Variants in PHKB observed in about 807,000 individuals in gnomAD.
PHKB encodes the protein phosphorylase b kinase regulatory subunit beta.
PHKB carries 122 observed loss-of-function variants against 152.1 expected under a neutral mutation model. The ratio of observed to expected loss-of-function variants is 0.80; its 90% CI spans 0.69 to 0.93. The LOEUF (loss-of-function observed/expected upper bound fraction) is 0.93. Ranked by LOEUF, PHKB falls within the 40% of genes least tolerant of loss-of-function variation. The pLI is 0.00. For synonymous variants in PHKB, 436 were observed against 464.9 expected (o/e 0.94, Z 0.80); for missense variants, 1,304 against 1,328.4 (o/e 0.98, Z 0.29).
chr16:47,586,420 C>A (rs1047972312), intron 8 of PHKB, among the ~76,000 whole-genome samples: 1 of 151,994 alleles, frequency 6.6e-6, no homozygotes, highest in East Asian at 1.9e-4. Flanking sequence ...ACAGCCTCAC[C>A]GAATCACTGT....
intron 1 of PHKB, among the ~76,000 whole-genome samples, chr16:47,493,511 T>TA (rs1970184890): frequency 6.6e-6 from 1 of 152,204 alleles, no homozygotes; most frequent in South Asian, 2.1e-4. Context: ...CGTCTTTAGT[T>TA]ACGTGTGACC....
At chr16:47,479,953 C>T (rs1010588710) in intron 1 of PHKB, among the ~76,000 whole-genome samples, 1 of 152,202 alleles carries the variant, frequency 6.6e-6, no homozygotes, top group African/African-American at 2.4e-5. Flanking sequence ...TTTTACTCAT[C>T]TGAACCCACT....
rs370164805 is a variant in PHKB, at chr16:47,530,988, C to T, written c.594+15387C>T. On this transcript the variant is annotated intron_variant, in intron 6 of 30. Coordinates refer to ENST00000323584, the MANE Select transcript of PHKB (RefSeq NM_000293.3). ...ATTTAGAAGAATAAACTGTAAAATA[C>T]ACAAGGTGATTTTGGAGAAGGAAAA... Among the ~76,000 whole-genome samples the T allele has an allele frequency of 1.1e-3, 170 of 152,144 alleles. 7 individuals carry two copies. The South Asian group carries it at 0.033, about 30-fold the overall frequency.
chr16:47,513,712 T>A (rs1337165418), intron 5 of PHKB, among the ~76,000 whole-genome samples: 2 of 152,222 alleles, frequency 1.3e-5, no homozygotes, highest in Non-Finnish European at 2.9e-5. Flanking sequence ...CAGAGGGAAA[T>A]AATCTATGTT....
intron 20 of PHKB, among the ~76,000 whole-genome samples, chr16:47,651,141 A>C (rs1219136869): frequency 6.6e-6 from 1 of 152,198 alleles, no homozygotes; most frequent in Non-Finnish European, 1.5e-5. Flanking sequence ...AGACTTCAGT[A>C]GCTCATCTCT....
intron 6 of PHKB, among the ~76,000 whole-genome samples, chr16:47,516,337 A>T (rs1190813631): frequency 1.3e-5 from 2 of 152,184 alleles, no homozygotes; most frequent in Admixed American, 6.5e-5. Context: ...AGGATTCTTC[A>T]TGTTTTTCAA....
At chr16:47,587,935 G>A (rs1290796428) in intron 9 of PHKB, among the ~76,000 whole-genome samples, 172 bp downstream of exon 9, 1 of 152,190 alleles carries the variant, frequency 6.6e-6, no homozygotes, top group African/African-American at 2.4e-5. Flanking sequence ...GTCTTAGCAA[G>A]TGGACAAGAG....
intron 14 of PHKB, among the ~76,000 whole-genome samples, chr16:47,640,511 G>T (rs904741521): frequency 1.4e-4 from 21 of 152,020 alleles, no homozygotes; most frequent in African/African-American, 4.8e-4. Context: ...TAGTCAACTG[G>T]GTAGTTCATG....
intron 1 of PHKB, among the ~76,000 whole-genome samples, chr16:47,473,493 TTTA>T (rs1276671472): frequency 6.6e-6 from 1 of 152,044 alleles, no homozygotes; most frequent in East Asian, 1.9e-4. Context: ...TGTTTTTTAT[TTTA>T]TTATTTGTTA....
At chr16:47,624,419 G>T (rs1176909886) in intron 14 of PHKB, among the ~76,000 whole-genome samples, 1 of 152,150 alleles carries the variant, frequency 6.6e-6, no homozygotes, top group Admixed American at 6.5e-5. Context: ...AGTCAAAATT[G>T]TGCAAAGTGG....
At chr16:47,524,276 T>A (rs1970731217) in intron 6 of PHKB, among the ~76,000 whole-genome samples, 1 of 152,218 alleles carries the variant, frequency 6.6e-6, no homozygotes, top group African/African-American at 2.4e-5. Context: ...TTTATATTTG[T>A]ACCTTCCCCT....
At chr16:47,462,633 C>CA (rs553908834) in intron 1 of PHKB, 1,657 of 122,672 alleles carry the variant, frequency 0.014, 22 homozygotes, top group Middle Eastern at 0.037. Flanking sequence ...GACTCCGTCT[C>CA]AAAAAAAAAA....
At chr16:47,641,790 T>C in intron 16 of PHKB, 98 bp downstream of exon 16, 2 of 746,942 alleles carry the variant, frequency 2.7e-6, no homozygotes, top group Non-Finnish European at 4.9e-6. Context: ...TAAAATCTGA[T>C]TCTGATATAG....
At chr16:47,557,844 G>A (rs988477603) in intron 7 of PHKB, among the ~76,000 whole-genome samples, 32 of 152,202 alleles carry the variant, frequency 2.1e-4, no homozygotes, top group South Asian at 1.0e-3. Context: ...CAGGGATCTA[G>A]AACTAGAAAT....
chr16:47,487,044 A>G (rs1370776885), intron 1 of PHKB, among the ~76,000 whole-genome samples: 1 of 152,228 alleles, frequency 6.6e-6, no homozygotes, highest in Non-Finnish European at 1.5e-5. Context: ...AGAATCATTA[A>G]TGAAACACAG....
At chr16:47,550,193 T>C in intron 7 of PHKB, among the ~76,000 whole-genome samples, 1 of 152,216 alleles carries the variant, frequency 6.6e-6, no homozygotes, top group East Asian at 1.9e-4. Context: ...TTGAACTCCA[T>C]GTGCTCACGG....
intron 7 of PHKB, among the ~76,000 whole-genome samples, chr16:47,577,625 T>G (rs2151691237): frequency 6.6e-6 from 1 of 152,140 alleles, no homozygotes; most frequent in African/African-American, 2.4e-5. Flanking sequence ...ATGTATTTAC[T>G]GGTATAACTT....
chr16:47,612,305 A>C (rs1465937691), intron 14 of PHKB, among the ~76,000 whole-genome samples: 3 of 152,192 alleles, frequency 2.0e-5, no homozygotes, highest in Admixed American at 6.5e-5. Flanking sequence ...AAATAAATTA[A>C]TAGGTCACAG....
chr16:47,565,511 G>C, intron 7 of PHKB: 2 of 1,313,256 alleles, frequency 1.5e-6, no homozygotes, highest in East Asian at 4.6e-5. Context: ...TTTAGGGGCT[G>C]ATCAGGTTTG....
Sources: gnomAD v4.1 joint callset for allele counts (sites outside exome capture counted in the v4.1 genomes callset) on GRCh38, gnomAD v4.1.1 for gene constraint, MANE v1.5 for transcripts, NCBI Gene and HGNC (gene_info 2026-07-23, HGNC 2026-07-21) for gene names.